The following BRWD1 variants were observed in gnomAD, a reference collection of about 807,000 sequenced individuals.
BRWD1 encodes bromodomain and WD repeat-containing protein 1.
In BRWD1, 82 loss-of-function variants were observed where a neutral mutation model predicts 251.2. That is an observed-to-expected ratio of 0.33 (90% CI 0.27 to 0.39). The LOEUF is 0.39. Among genes scored for constraint, BRWD1 ranks in the 10% least tolerant of loss-of-function variants. The probability of loss-of-function intolerance (pLI) is 1.00; values close to 1 mark genes in which losing one functional copy is unlikely to be tolerated. For synonymous variants in BRWD1, 918 were observed against 902.8 expected (o/e 1.02, Z -0.30); for missense variants, 2,233 against 2,711.6 (o/e 0.82, Z 3.92).
chr21:39,306,714 T>C lies in BRWD1; in HGVS notation c.198+6127A>G, dbSNP rs186958055. Among the ~76,000 whole-genome samples, 105 of 152,328 alleles carry C rather than the reference T, an allele frequency of 6.9e-4. 2 individuals are homozygous for C. The highest frequency in any genetic ancestry group is 2.4e-3 in the African/African-American group (101 of 41,578). On this transcript the variant is annotated intron_variant, in intron 4 of 40. Transcript: ENST00000342449. ...GTGTGAGGAACAGACTTAAAAGTTA[T>C]TTATACTGAAATCAGAATTTGGTTT...
At chr21:39,248,297 C>T (rs1374663503) in intron 20 of BRWD1, among the ~76,000 whole-genome samples, 1 of 152,010 alleles carries the variant, frequency 6.6e-6, no homozygotes, top group Non-Finnish European at 1.5e-5. Context: ...TACCATCTCA[C>T]ACTAGTCAGA....
chr21:39,238,303 A>C (rs74331444), intron 22 of BRWD1, among the ~76,000 whole-genome samples, 176 bp downstream of exon 22: 1 of 151,272 alleles, frequency 6.6e-6, no homozygotes, highest in African/African-American at 2.4e-5. Flanking sequence ...AAAAAAAAAA[A>C]ACTCCTGAAA....
At chr21:39,250,943 G>T in intron 19 of BRWD1, 54 bp from the exon 20 acceptor site, 1 of 1,054,414 alleles carries the variant, frequency 9.5e-7, no homozygotes, top group Non-Finnish European at 1.4e-6. Context: ...GATAACTAAA[G>T]GATATAAAGA....
At chr21:39,225,378 A>C (rs1188105165) in intron 27 of BRWD1, among the ~76,000 whole-genome samples, 181 bp from the exon 28 acceptor site, 1 of 152,242 alleles carries the variant, frequency 6.6e-6, no homozygotes. Flanking sequence ...TTTTAGATTA[A>C]ATGCATTTCT....
chr21:39,312,978 C>CGGCGGGCGGGGGGCTGGG, intron 3 of BRWD1, 78 bp from the exon 4 acceptor site: 1 of 380,650 alleles, frequency 2.6e-6, no homozygotes, highest in Non-Finnish European at 3.4e-6. Flanking sequence ...CGGGGGCGGG[C>CGGCGGGCGGGGGGCTGGG]GGCGGGCGGC....
Position 39,190,980 on chromosome 21 carries a change from C to G in BRWD1, c.*5279G>C. On this transcript the variant is annotated 3_prime_UTR_variant, in exon 41 of 41. Transcript: ENST00000342449. ...CAGTTTTCTCTCACCCCTAGAAAAA[C>G]TCAGATTTGTGATGGCTATTGCAAT... 1 of 985,224 alleles carries G rather than the reference C, an allele frequency of 1.0e-6. No homozygotes were observed. Among genetic ancestry groups the G allele is most frequent in the African/African-American group, 1.7e-5 (1 of 57,284 alleles). 61.0% of individuals were successfully genotyped at this position (985,224 alleles called of 1,614,324 possible). A position where few individuals can be genotyped will look rare whatever the true frequency, so the allele number is the denominator to read the frequency against.
rs1389223735 is a variant in BRWD1, at chr21:39,228,548, C to T, written c.3160G>A (p.Val1054Ile). Residue 1054 changes from valine (V) to isoleucine (I), a missense_variant, in exon 27 of 41, where the codon GTA becomes ATA. Physicochemically the swap from Val to Ile is conservative, Grantham distance 29. Transcript: ENST00000342449. Reference sequence around the variant, plus strand: ...GCTTCATCATAAAATTGACGCAATACAAGAAAGTCAATAACATCTGGCATA... The same window carrying T: ...GCTTCATCATAAAATTGACGCAATATAAGAAAGTCAATAACATCTGGCATA... ...HDMPDVIDFL[V>I]LRQFYDEARQ... The T allele has an allele frequency of 4.3e-6, 7 of 1,612,940 alleles. No homozygotes were observed. The South Asian group carries it at 6.6e-5, about 15-fold the overall frequency.
In BRWD1 at chr21:39,196,986, T is replaced by C. The variant is rs771263463; in HGVS notation, c.6083A>G (p.His2028Arg). ...GTGAATATTGGTATGCCTGTGCTTG[T>C]GTTCTGAATTCAACATATCTTCAGA... ...SDSEDMLNSE[H>R]KHRHTNIHKI... The change falls in exon 41 of 41, where the codon CAC (histidine) becomes CGC (arginine). Residue 2028 changes from histidine to arginine, a missense_variant. Transcript: ENST00000342449. 2.3e-5 allele frequency: 37 copies of C among 1,613,974 alleles called. No individual in the cohort carries two copies. In the South Asian group the frequency reaches 3.5e-4, roughly 15 times the overall value.
chr21:39,220,726 T>G (rs900430586), intron 29 of BRWD1, among the ~76,000 whole-genome samples: 2 of 152,106 alleles, frequency 1.3e-5, no homozygotes, highest in African/African-American at 4.8e-5. Flanking sequence ...CATATATAAA[T>G]GGAAGACATG....
chr21:39,294,705 T>A (rs1408573015), intron 7 of BRWD1, among the ~76,000 whole-genome samples: 1 of 148,634 alleles, frequency 6.7e-6, no homozygotes, highest in Non-Finnish European at 1.5e-5. Context: ...ATGTGATGAA[T>A]GTGATGAATG....
intron 22 of BRWD1, among the ~76,000 whole-genome samples, chr21:39,238,073 G>T (rs1002311446): frequency 6.6e-6 from 1 of 152,090 alleles, no homozygotes. Context: ...CTGTTGAGAT[G>T]AAGGTGACGT....
Position 39,229,391 on chromosome 21 carries a change from G to A in BRWD1, c.3046C>T (p.Pro1016Ser). The change falls in exon 26 of 41, where the codon CCC becomes TCC. Residue 1016 changes from proline to serine, a missense_variant. Transcript: ENST00000342449. Reference sequence around the variant, plus strand: ...AGTTTTAGGCAACAGAGTGTAGGGGGCCCAACTTCATATCGTATTCCAACT... The same window carrying A: ...AGTTTTAGGCAACAGAGTGTAGGGGACCCAACTTCATATCGTATTCCAACT... ...KIVGIRYEVGPPTLCCLKLAF... is the reference protein window; with the variant it reads ...KIVGIRYEVGSPTLCCLKLAF... 1 of 1,610,218 alleles carries A rather than the reference G, an allele frequency of 6.2e-7. No individual in the cohort carries two copies. Among genetic ancestry groups the A allele is most frequent in the South Asian group, 1.1e-5 (1 of 90,916 alleles).
At position 39,198,906 on chromosome 21, in the gene BRWD1, C is replaced by T. The variant is rs2031961043; in HGVS notation, c.5510G>A (p.Cys1837Tyr). ...SEEQDREDGK[C>Y]HKMEMNPISG... ...AATTGGGTTCATTTCCATTTTATGA[C>T]ATTTCCCATCTTCTCTATCTTGCTC... Residue 1837 changes from cysteine to tyrosine, a missense_variant, in exon 40 of 41, where the codon TGT becomes TAT. Physicochemically the swap from Cys to Tyr is radical, Grantham distance 194. Transcript: ENST00000342449. 6.2e-7 allele frequency: 1 copy of T among 1,614,132 alleles called. No homozygotes were observed. The highest frequency in any genetic ancestry group is 1.3e-5 in the African/African-American group (1 of 75,026).
intron 10 of BRWD1, 127 bp downstream of exon 10, chr21:39,278,616 G>T: frequency 1.6e-6 from 1 of 614,686 alleles, no homozygotes; most frequent in Non-Finnish European, 2.7e-6. Context: ...ATCATAAATT[G>T]AACCTAATGA....
rs369954837 is a variant in BRWD1 at position 39,232,357 on chromosome 21, T to C, written c.2892+16A>G. 13 of 1,599,152 alleles carry C rather than the reference T, an allele frequency of 8.1e-6. No homozygotes were observed. The African/African-American group carries it at 1.2e-4, about 15-fold the overall frequency. The stretch of plus-strand genomic sequence containing the variant: ...TATGTTCCATATTCGTGTTTTTAAA[T>C]TTGTATTACTCTCACCTCATCACCC... On this transcript the variant is annotated intron_variant, in intron 24 of 40. Coordinates refer to ENST00000342449, the MANE Select transcript of BRWD1 (RefSeq NM_033656.4).
intron 8 of BRWD1, among the ~76,000 whole-genome samples, chr21:39,289,808 A>G (rs1196388954): frequency 6.6e-6 from 1 of 151,810 alleles, no homozygotes; most frequent in East Asian, 2.0e-4. Context: ...GCGGATCATG[A>G]GGTCAGGAGA....
Position 39,191,934 on chromosome 21 carries a change from G to C in BRWD1, c.*4325C>G. 1.0e-6 allele frequency: 1 copy of C among 984,502 alleles called. No homozygotes were observed. 61.0% of individuals were successfully genotyped at this position (984,502 alleles called of 1,614,324 possible). On this transcript the variant is annotated 3_prime_UTR_variant, in exon 41 of 41. Coordinates refer to ENST00000342449, the MANE Select transcript of BRWD1 (RefSeq NM_033656.4). ...TAATTAAATTCAAACTATTGGTCTT[G>C]CCATACTTGAGAAACAGATGTATAG...
chr21:39,260,871 A>C (rs1419575926), intron 17 of BRWD1, among the ~76,000 whole-genome samples: 1 of 152,216 alleles, frequency 6.6e-6, no homozygotes, highest in Non-Finnish European at 1.5e-5. Context: ...GAGGAGAGTG[A>C]ACTGCACACA....
At chr21:39,289,098 A>C (rs999344068) in intron 8 of BRWD1, among the ~76,000 whole-genome samples, 2 of 152,214 alleles carry the variant, frequency 1.3e-5, no homozygotes, top group African/African-American at 4.8e-5. Flanking sequence ...CTTGCAAGTA[A>C]TATAATTATG....
Sources: gnomAD v4.1 joint callset for allele counts (sites outside exome capture counted in the v4.1 genomes callset) on GRCh38, gnomAD v4.1.1 for gene constraint, MANE v1.5 for transcripts, NCBI Gene and HGNC (gene_info 2026-07-23, HGNC 2026-07-21) for gene names.